Variants in DNAH8 observed in about 807,000 individuals in gnomAD.
DNAH8 encodes dynein axonemal heavy chain 8.
In DNAH8, 382 loss-of-function variants were observed where a neutral mutation model predicts 562.1. The ratio of observed to expected loss-of-function variants is 0.68; its 90% CI spans 0.63 to 0.74. The LOEUF (loss-of-function observed/expected upper bound fraction) is 0.74. DNAH8 is among the 30% of genes least tolerant of loss of function. The pLI is 0.00. For synonymous variants in DNAH8, 1,881 were observed against 1,919.4 expected, an observed-to-expected ratio of 0.98 and a Z score of 0.52; for missense variants, 5,203 against 5,620.4, an observed-to-expected ratio of 0.93 and a Z score of 2.37.
At chr6:38,781,145 T>G in intron 15 of DNAH8, 109 bp from the exon 16 acceptor site, 1 of 1,181,696 alleles carries the variant, frequency 8.5e-7, no homozygotes, top group Non-Finnish European at 1.2e-6. Flanking sequence ...GACTACCTAC[T>G]GTATATAAAA....
intron 28 of DNAH8, among the ~76,000 whole-genome samples, chr6:38,825,562 A>T (rs1211764368): frequency 6.6e-6 from 1 of 152,120 alleles, no homozygotes; most frequent in East Asian, 1.9e-4. Flanking sequence ...CCCTCTGTGC[A>T]TGAGTTTTTC....
At chr6:38,871,101 G>A (rs1174127657) in intron 49 of DNAH8, among the ~76,000 whole-genome samples, 2 of 152,206 alleles carry the variant, frequency 1.3e-5, no homozygotes, top group East Asian at 3.8e-4. Context: ...TCAAGAACTT[G>A]TAGCAGAGAC....
intron 3 of DNAH8, among the ~76,000 whole-genome samples, chr6:38,724,310 C>T (rs1763028584): frequency 6.6e-6 from 1 of 152,108 alleles, no homozygotes; most frequent in Admixed American, 6.5e-5. Context: ...ATCAGGTTTA[C>T]TGTTGTGGAG....
chr6:38,812,680 A>G (rs1005602138), intron 24 of DNAH8, among the ~76,000 whole-genome samples: 2 of 152,074 alleles, frequency 1.3e-5, no homozygotes, highest in Admixed American at 6.5e-5. Flanking sequence ...GTATGTTTAG[A>G]TGCAGGTGGA....
Position 38,832,372 on chromosome 6 carries a change from T to A in DNAH8, c.4239T>A (p.Asn1413Lys), listed in dbSNP as rs1185409506. The change falls in exon 31 of 93, where the codon AAT becomes AAA. Residue 1413 changes from asparagine (N) to lysine (K), a missense_variant. Physicochemically the swap from Asn to Lys is moderately conservative, Grantham distance 94 (BLOSUM62 0). Around this residue, in one of 6 missense-constraint regions of DNAH8, gnomAD observed 2,176 missense variants for 2,365.1 expected, o/e 0.92. Coordinates refer to ENST00000327475, the MANE Select transcript of DNAH8 (RefSeq NM_001206927.2). ...AAGTGCAGCCAAAGTTTAAAAGCAA[T>A]CTACTTGAGTCTGTGGAAGTTTTTC... ...LVQVQPKFKS[N>K]LLESVEVFRE... The A allele has an allele frequency of 3.1e-6, 5 of 1,613,964 alleles. No homozygotes were observed. The South Asian group carries it at 4.4e-5, about 14-fold the overall frequency.
At position 38,724,145 on chromosome 6, in the gene DNAH8, A is replaced by AT. The variant is rs557861602; in HGVS notation, c.525+683dup. Among the ~76,000 whole-genome samples the AT allele has an allele frequency of 5.3e-5, 8 of 150,864 alleles. No homozygotes were observed. In the South Asian group the frequency reaches 1.3e-3, roughly 24 times the overall value. On this transcript the variant is annotated intron_variant, in intron 3 of 92. Coordinates refer to ENST00000327475, the MANE Select transcript of DNAH8 (RefSeq NM_001206927.2). ...GGCACGCACCACCACGCCCAGCTAAATTTTTTTTTGTATTTTTAGTAGAGA... is the reference window on the plus strand; with the variant it reads ...GGCACGCACCACCACGCCCAGCTAAATTTTTTTTTTGTATTTTTAGTAGAGA...
At chr6:38,769,183 C>A (rs1214957228) in intron 11 of DNAH8, among the ~76,000 whole-genome samples, 1 of 152,108 alleles carries the variant, frequency 6.6e-6, no homozygotes, top group African/African-American at 2.4e-5. Context: ...TACTCAGAAT[C>A]TTATCTGAGA....
At chr6:38,913,265 G>T (rs929524444) in intron 66 of DNAH8, among the ~76,000 whole-genome samples, 1 of 152,088 alleles carries the variant, frequency 6.6e-6, no homozygotes, top group Non-Finnish European at 1.5e-5. Flanking sequence ...ACAGATGAGG[G>T]CTTCCCCTTT....
At chr6:38,821,499 A>C (rs946306346) in intron 26 of DNAH8, among the ~76,000 whole-genome samples, 1 of 152,224 alleles carries the variant, frequency 6.6e-6, no homozygotes, top group Non-Finnish European at 1.5e-5. Context: ...GAATAGGGGA[A>C]TTCAAAGGAC....
chr6:38,879,385 A>G (rs1778282658), intron 53 of DNAH8, among the ~76,000 whole-genome samples: 1 of 152,234 alleles, frequency 6.6e-6, no homozygotes, highest in South Asian at 2.1e-4. Context: ...CCAATAGTAT[A>G]CAAAAGTCCA....
chr6:38,850,152 A>C, intron 37 of DNAH8, 99 bp from the exon 38 acceptor site: 2 of 1,123,972 alleles, frequency 1.8e-6, no homozygotes, highest in Admixed American at 2.3e-5. Flanking sequence ...AGACTAATAG[A>C]GGCTGGTTTG....
chr6:38,804,759 AAGAGAGAGAG>A (rs137967997), intron 22 of DNAH8, among the ~76,000 whole-genome samples: 50 of 111,180 alleles, frequency 4.5e-4, no homozygotes, highest in African/African-American at 1.5e-3. Context: ...ACATAGCAAG[AAGAGAGAGAG>A]AGAGAGAGAG....
intron 85 of DNAH8, 21 bp from the exon 86 acceptor site, chr6:38,982,325 C>T (rs370491956): frequency 5.4e-6 from 6 of 1,111,608 alleles, no homozygotes; most frequent in Non-Finnish European, 8.3e-6. Context: ...GCAATACTTA[C>T]TTTTCTTTGG....
chr6:38,798,134 G>C (rs1002796461), intron 21 of DNAH8, among the ~76,000 whole-genome samples: 2 of 152,090 alleles, frequency 1.3e-5, no homozygotes, highest in Admixed American at 1.3e-4. Context: ...GGTTGCCAGA[G>C]CTGTGGAGAT....
intron 85 of DNAH8, among the ~76,000 whole-genome samples, chr6:38,978,124 A>G (rs147203989): frequency 2.6e-4 from 40 of 152,312 alleles, no homozygotes; most frequent in Non-Finnish European, 5.0e-4. Context: ...CTTTTCAAAC[A>G]GCTTATATAT....
intron 39 of DNAH8, among the ~76,000 whole-genome samples, chr6:38,852,213 G>A (rs1775803954): frequency 6.6e-6 from 1 of 152,192 alleles, no homozygotes; most frequent in South Asian, 2.1e-4. Context: ...AACTGAGAGT[G>A]GGAGGCACAG....
intron 88 of DNAH8, among the ~76,000 whole-genome samples, chr6:39,007,357 C>G (rs1765861097): frequency 6.6e-6 from 1 of 152,072 alleles, no homozygotes; most frequent in African/African-American, 2.4e-5. Flanking sequence ...AAAAACAAGC[C>G]ACTAATCTCA....
At chr6:38,881,316 T>C (rs1778460881) in intron 53 of DNAH8, among the ~76,000 whole-genome samples, 1 of 152,238 alleles carries the variant, frequency 6.6e-6, no homozygotes, top group Non-Finnish European at 1.5e-5. Flanking sequence ...ATGCTTTCTT[T>C]CCATGCATTC....
chr6:39,030,515 G>A lies in DNAH8; in HGVS notation c.*123G>A. On this transcript the variant is annotated 3_prime_UTR_variant, in exon 93 of 93. Transcript: ENST00000327475. ...TTAATTACTCTTTCTACATTAAAAA[G>A]TTGATGTTCTAAAATTGCTAGTGCG... The A allele has an allele frequency of 1.2e-6, 1 of 864,188 alleles. No homozygotes were observed. Among genetic ancestry groups the A allele is most frequent in the South Asian group, 1.9e-5 (1 of 54,016 alleles). The allele number at this position is 864,188 out of a possible 1,614,324, so 53.5% of individuals were successfully genotyped here.
Sources: allele counts gnomAD v4.1 joint callset (sites outside exome capture counted in the v4.1 genomes callset), GRCh38; gene constraint gnomAD v4.1.1; regional missense constraint gnomAD v4.1.1; transcripts MANE v1.5; gene names NCBI Gene and HGNC (gene_info 2026-07-23, HGNC 2026-07-21).